The following OAF variants were observed in gnomAD, a reference collection of about 807,000 sequenced individuals.
OAF encodes the protein out at first protein homolog.
OAF carries 13 observed loss-of-function variants against 22.5 expected under a neutral mutation model. That is an observed-to-expected ratio of 0.58 (90% CI 0.38 to 0.92). OAF has a LOEUF of 0.92. Ranked by LOEUF, OAF falls within the 40% of genes least tolerant of loss-of-function variation. The pLI is 0.00. For synonymous variants in OAF, 175 were observed against 170.5 expected, an observed-to-expected ratio of 1.03 and a Z score of -0.21; for missense variants, 347 against 381.8, an observed-to-expected ratio of 0.91 and a Z score of 0.76.
chr11:120,229,119 G>C lies in OAF; in HGVS notation c.799G>C (p.Asp267His). 1.2e-6 allele frequency: 2 copies of C among 1,613,118 alleles called. No homozygotes were observed. Among genetic ancestry groups the C allele is most frequent in the Non-Finnish European group, 1.7e-6 (2 of 1,179,664 alleles). The change falls in exon 4 of 4, where the codon GAT becomes CAT. Residue 267 changes from aspartate to histidine, a missense_variant. By Grantham distance (81) the Asp-to-His change is moderately conservative. Transcript: ENST00000328965. ...GCCCCAGAGGCAGCTGTGTCTCTGGGATGAGGATCCCTACCCAGGCTAGGG... is the reference window on the plus strand; with the variant it reads ...GCCCCAGAGGCAGCTGTGTCTCTGGCATGAGGATCCCTACCCAGGCTAGGG... ...YVPQRQLCLW[D>H]EDPYPG
At position 120,218,551 on chromosome 11, in the gene OAF, C is replaced by G. The variant is rs77761853; in HGVS notation, c.231+7041C>G. 5.1e-3 allele frequency among the ~76,000 whole-genome samples: 770 copies of G among 152,326 alleles called. 3 individuals are homozygous for G. The highest frequency in any genetic ancestry group is 0.017 in the African/African-American group (700 of 41,576). Reference sequence around the variant, plus strand: ...GGAATAAATATTTAGATTGGCTCAGCCTGGGCCCCAGAATCATGCTCTCTG... The same window carrying G: ...GGAATAAATATTTAGATTGGCTCAGGCTGGGCCCCAGAATCATGCTCTCTG... On this transcript the variant is annotated intron_variant, in intron 1 of 3. Transcript: ENST00000328965.
chr11:120,227,648 C>G (rs1412399377), intron 3 of OAF, among the ~76,000 whole-genome samples: 2 of 152,132 alleles, frequency 1.3e-5, no homozygotes, highest in East Asian at 1.9e-4. Context: ...GTGACTTCAG[C>G]GCTGACCCCT....
chr11:120,211,137 G>A lies in OAF; in HGVS notation c.-143G>A. Reference sequence around the variant, plus strand: ...TACCCACGTGCGTCCGCGCCACCTCGCGGGCGACCCCGCGGCCAAGGCCCC... The same window carrying A: ...TACCCACGTGCGTCCGCGCCACCTCACGGGCGACCCCGCGGCCAAGGCCCC... On this transcript the variant is annotated 5_prime_UTR_variant, in exon 1 of 4. Coordinates refer to ENST00000328965, the MANE Select transcript of OAF (RefSeq NM_178507.4). 2 of 306,434 alleles carry A rather than the reference G, an allele frequency of 6.5e-6. No homozygotes were observed. Among genetic ancestry groups the A allele is most frequent in the Non-Finnish European group, 1.1e-5 (2 of 182,192 alleles). The allele number at this position is 306,434 out of a possible 1,614,324, so 19.0% of individuals were successfully genotyped here.
At chr11:120,225,836 C>T (rs751575837) in intron 2 of OAF, 41 bp downstream of exon 2, 11 of 1,566,054 alleles carry the variant, frequency 7.0e-6, no homozygotes, top group South Asian at 1.1e-5. Context: ...GGTCCTGACC[C>T]GCAGCAGACC....
At chr11:120,228,825 T>TTCCAGC in intron 3 of OAF, 43 bp from the exon 4 acceptor site, 1 of 434,174 alleles carries the variant, frequency 2.3e-6, no homozygotes, top group East Asian at 5.5e-5. Flanking sequence ...GCTCCTTCCC[T>TTCCAGC]CCCTCCCTCC....
intron 3 of OAF, 47 bp from the exon 4 acceptor site, chr11:120,228,821 T>TACCAGC: frequency 3.8e-6 from 2 of 520,280 alleles, no homozygotes; most frequent in Non-Finnish European, 3.6e-6. Flanking sequence ...GGGAGCTCCT[T>TACCAGC]CCCTCCCTCC....
Position 120,228,950 on chromosome 11 carries a change from C to G in OAF, c.630C>G (p.His210Gln). Residue 210 changes from histidine to glutamine, a missense_variant, in exon 4 of 4, where the codon CAC (histidine) becomes CAG (glutamine). His to Gln is a conservative substitution (Grantham distance 24). Transcript: ENST00000328965. ...CTCGCTGCAGGCAGGTGGGGGACCA[C>G]GGGAAGCCCTGCGTCTGCCGCTATG... ...ELPRCRQVGDHGKPCVCRYGL... is the reference protein window; with the variant it reads ...ELPRCRQVGDQGKPCVCRYGL... 6.2e-7 allele frequency: 1 copy of G among 1,612,184 alleles called. No homozygotes were observed. Among genetic ancestry groups the G allele is most frequent in the Non-Finnish European group, 8.5e-7 (1 of 1,179,878 alleles).
At chr11:120,227,378 G>A (rs1171697419) in intron 3 of OAF, among the ~76,000 whole-genome samples, 3 of 152,114 alleles carry the variant, frequency 2.0e-5, no homozygotes, top group Non-Finnish European at 2.9e-5. Context: ...CAGAGGAAAG[G>A]GCCCTGCTCC....
chr11:120,223,781 T>G (rs115949243), intron 1 of OAF, among the ~76,000 whole-genome samples: 235 of 152,334 alleles, frequency 1.5e-3, no homozygotes, highest in African/African-American at 5.5e-3. Flanking sequence ...AATATCCAGA[T>G]AGGCTTCTCT....
intron 1 of OAF, among the ~76,000 whole-genome samples, chr11:120,222,088 G>A (rs1055914021): frequency 2.6e-5 from 4 of 152,210 alleles, no homozygotes; most frequent in Non-Finnish European, 4.4e-5. Flanking sequence ...CCTTCCCTGT[G>A]AAGGTTGGAA....
chr11:120,211,120 T>G lies in OAF; in HGVS notation c.-160T>G. ...GGCGCCCTGCTGAGCGCTACCCACG[T>G]GCGTCCGCGCCACCTCGCGGGCGAC... On this transcript the variant is annotated 5_prime_UTR_variant, in exon 1 of 4. Transcript: ENST00000328965. 4.0e-6 allele frequency: 1 copy of G among 251,234 alleles called. No individual in the cohort carries two copies. The highest frequency in any genetic ancestry group is 7.2e-6 in the Non-Finnish European group (1 of 138,168). The allele number at this position is 251,234 out of a possible 1,614,324, so 15.6% of individuals were successfully genotyped here.
intron 3 of OAF, among the ~76,000 whole-genome samples, chr11:120,228,430 C>T (rs1208822986): frequency 1.3e-5 from 2 of 152,108 alleles, no homozygotes; most frequent in East Asian, 3.9e-4. Flanking sequence ...ACCTTGTCTC[C>T]CCACGCCTCT....
rs1322024220 is a variant in OAF, at chr11:120,211,315, G to A, written c.36G>A (p.Ala12=). ...RLPGVPLARP[A]LLLLLPLLAP... The stretch of plus-strand genomic sequence containing the variant: ...CCGGGGTACCCCTGGCGCGCCCTGC[G>A]CTGCTGCTGCTGCTGCCGCTGCTCG... Residue 12 remains alanine (A), a synonymous_variant, in exon 1 of 4, where the codon GCG becomes GCA. Coordinates refer to ENST00000328965, the MANE Select transcript of OAF (RefSeq NM_178507.4). 27 of 1,307,384 alleles carry A rather than the reference G, an allele frequency of 2.1e-5. No individual in the cohort carries two copies. Among genetic ancestry groups the A allele is most frequent in the East Asian group, 1.6e-4 (5 of 31,580 alleles). 81.0% of individuals were successfully genotyped at this position (1,307,384 alleles called of 1,614,324 possible). A position where few individuals can be genotyped will look rare whatever the true frequency, so the allele number is the denominator to read the frequency against.
chr11:120,222,949 T>G (rs902806279), intron 1 of OAF, among the ~76,000 whole-genome samples: 1 of 152,006 alleles, frequency 6.6e-6, no homozygotes, highest in Admixed American at 6.6e-5. Flanking sequence ...AAAGAAGTCC[T>G]GGCAGGGCAG....
Position 120,228,185 on chromosome 11 carries a change from A to C in OAF, c.548-683A>C, listed in dbSNP as rs183863873. ...CTGCAACCTCCGCCACCCGGGTTCC[A>C]GCAATTCTCCTGCCTCAGCCTCCAG... On this transcript the variant is annotated intron_variant, in intron 3 of 3. Transcript: ENST00000328965. Among the ~76,000 whole-genome samples the C allele has an allele frequency of 1.9e-3, 285 of 151,774 alleles. 1 individual carries two copies. The highest frequency in any genetic ancestry group is 3.4e-3 in the Non-Finnish European group (230 of 67,936).
rs544144743 is a variant in OAF at position 120,219,511 on chromosome 11, C to T, written c.232-6150C>T. 2.0e-5 allele frequency among the ~76,000 whole-genome samples: 3 copies of T among 152,314 alleles called. No individual in the cohort carries two copies. The East Asian group carries it at 5.8e-4, about 29-fold the overall frequency. On this transcript the variant is annotated intron_variant, in intron 1 of 3. Transcript: ENST00000328965. ...CCCCTGGGATCCAGGGGCTCCCTCCCCACCCTCAGTGCTGAGCACAGGATG... is the reference window on the plus strand; with the variant it reads ...CCCCTGGGATCCAGGGGCTCCCTCCTCACCCTCAGTGCTGAGCACAGGATG...
chr11:120,228,267 T>G (rs1379659819), intron 3 of OAF, among the ~76,000 whole-genome samples: 1 of 152,102 alleles, frequency 6.6e-6, no homozygotes, highest in Non-Finnish European at 1.5e-5. Context: ...GTGCTTTTAG[T>G]AGAAACAAGG....
intron 1 of OAF, among the ~76,000 whole-genome samples, chr11:120,218,994 T>C (rs1035196749): frequency 2.0e-5 from 3 of 152,050 alleles, no homozygotes; most frequent in Non-Finnish European, 2.9e-5. Context: ...CACGTGTGTG[T>C]GTGTGTGTAC....
intron 1 of OAF, among the ~76,000 whole-genome samples, chr11:120,211,880 G>T (rs948663336): frequency 6.7e-6 from 1 of 149,154 alleles, no homozygotes; most frequent in African/African-American, 2.5e-5. Context: ...GGTTCTCCCT[G>T]TGTGATCTAG....
Sources: allele counts gnomAD v4.1 joint callset (sites outside exome capture counted in the v4.1 genomes callset), GRCh38; gene constraint gnomAD v4.1.1; transcripts MANE v1.5; gene names NCBI Gene and HGNC (gene_info 2026-07-23, HGNC 2026-07-21).